Variants in STK32B observed in about 807,000 individuals in gnomAD.
The protein encoded by STK32B is serine/threonine kinase 32B, also known as serine/threonine-protein kinase 32B.
In STK32B, 43 loss-of-function variants were observed where a neutral mutation model predicts 52.6. The ratio of observed to expected loss-of-function variants is 0.82; its 90% CI spans 0.64 to 1.05. The LOEUF (loss-of-function observed/expected upper bound fraction) is 1.05, where lower values mean the gene tolerates loss of function less well. Among genes scored for constraint, STK32B ranks in the 50% least tolerant of loss-of-function variants. The pLI, the probability that STK32B is intolerant of heterozygous loss-of-function variation, is 0.00. For synonymous variants in STK32B, 238 were observed against 204.3 expected (o/e 1.17, Z -1.41); for missense variants, 621 against 534.6 (o/e 1.16, Z -1.59).
chr4:5,264,865 G>T (rs1384593619), intron 3 of STK32B, among the ~76,000 whole-genome samples: 1 of 152,048 alleles, frequency 6.6e-6, no homozygotes, highest in Non-Finnish European at 1.5e-5. Context: ...AATGTATTTT[G>T]TGAATTCTTT....
intron 11 of STK32B, among the ~76,000 whole-genome samples, chr4:5,484,464 T>G (rs1453712412): frequency 6.6e-6 from 1 of 152,198 alleles, no homozygotes; most frequent in African/African-American, 2.4e-5. Flanking sequence ...CATCCCTTTA[T>G]TTTGAGCCTA....
chr4:5,074,207 T>TGC (rs879908244), intron 1 of STK32B, among the ~76,000 whole-genome samples: 1 of 151,702 alleles, frequency 6.6e-6, no homozygotes, highest in Admixed American at 6.6e-5. Context: ...TGTGTGTGTG[T>TGC]GTGCGCGTGC....
At chr4:5,152,845 C>G (rs1458096605) in intron 2 of STK32B, among the ~76,000 whole-genome samples, 1 of 152,194 alleles carries the variant, frequency 6.6e-6, no homozygotes, top group Non-Finnish European at 1.5e-5. Context: ...ACCCACTGTC[C>G]TTACCAGCTA....
chr4:5,304,572 G>A (rs1729791706), intron 3 of STK32B, among the ~76,000 whole-genome samples: 1 of 151,900 alleles, frequency 6.6e-6, no homozygotes, highest in Non-Finnish European at 1.5e-5. Context: ...CCAGTTCTAG[G>A]AGCTTTTTCG....
chr4:5,062,402 A>T (rs1742249280), intron 1 of STK32B, among the ~76,000 whole-genome samples: 1 of 152,232 alleles, frequency 6.6e-6, no homozygotes, highest in African/African-American at 2.4e-5. Context: ...ACCATCCAAC[A>T]GAAGAAATAG....
intron 1 of STK32B, among the ~76,000 whole-genome samples, chr4:5,095,760 G>C (rs535827506): frequency 6.6e-4 from 100 of 152,350 alleles, no homozygotes; most frequent in African/African-American, 2.4e-3. Context: ...CTGACCCTTT[G>C]ATTGTGTGAT....
chr4:5,398,418 C>G lies in STK32B; in HGVS notation c.472+174C>G, dbSNP rs1028763890. ...TCTGTGTAAATTTCTGGTCCATGTCCTGCCGTGGTAAGTTGAATCAAAGTT... is the reference window on the plus strand; with the variant it reads ...TCTGTGTAAATTTCTGGTCCATGTCGTGCCGTGGTAAGTTGAATCAAAGTT... On this transcript the variant is annotated intron_variant, in intron 5 of 11. Coordinates refer to ENST00000282908, the MANE Select transcript of STK32B (RefSeq NM_018401.3). This position sits in a 1 kb window ranked among gnomAD's most constrained non-coding sequence, Gnocchi z 4.9. 2.6e-5 allele frequency among the ~76,000 whole-genome samples: 4 copies of G among 152,178 alleles called. No homozygotes were observed. Among genetic ancestry groups the G allele is most frequent in the Non-Finnish European group, 4.4e-5 (3 of 68,026 alleles).
At chr4:5,387,739 T>C (rs1736348779) in intron 4 of STK32B, among the ~76,000 whole-genome samples, 1 of 150,984 alleles carries the variant, frequency 6.6e-6, no homozygotes, top group Non-Finnish European at 1.5e-5. Context: ...CACTGTTTTG[T>C]TTTTTTATTC....
intron 3 of STK32B, among the ~76,000 whole-genome samples, chr4:5,180,349 T>C (rs1720259468): frequency 1.3e-5 from 2 of 152,236 alleles, no homozygotes; most frequent in South Asian, 2.1e-4. Context: ...TCTTTAATTC[T>C]CCCAACAGCT....
chr4:5,308,516 G>T (rs1730076326), intron 3 of STK32B, among the ~76,000 whole-genome samples: 1 of 152,130 alleles, frequency 6.6e-6, no homozygotes, highest in Non-Finnish European at 1.5e-5. Flanking sequence ...AATATTATAG[G>T]AGTAAGTGTG....
chr4:5,243,912 C>A (rs1023901542), intron 3 of STK32B, among the ~76,000 whole-genome samples: 3 of 152,214 alleles, frequency 2.0e-5, no homozygotes, highest in Admixed American at 1.3e-4. Flanking sequence ...ACTGGCCTTG[C>A]ATCCCAGGGA....
intron 3 of STK32B, among the ~76,000 whole-genome samples, chr4:5,203,426 A>G (rs934295627): frequency 6.6e-6 from 1 of 151,470 alleles, no homozygotes; most frequent in Non-Finnish European, 1.5e-5. Context: ...TCTCCTTTAC[A>G]TGTCTCTTTT....
intron 1 of STK32B, among the ~76,000 whole-genome samples, chr4:5,096,584 T>G (rs1416795857): frequency 2.6e-5 from 4 of 152,208 alleles, no homozygotes; most frequent in Admixed American, 6.5e-5. Context: ...ATCTTCACTT[T>G]GAATTCGAGG....
chr4:5,353,925 A>C (rs1734010179), intron 4 of STK32B, among the ~76,000 whole-genome samples: 1 of 152,224 alleles, frequency 6.6e-6, no homozygotes, highest in African/African-American at 2.4e-5. Context: ...AAAGGGATAC[A>C]GGCATGCCAA....
chr4:5,141,823 A>G (rs951450169), intron 2 of STK32B, among the ~76,000 whole-genome samples: 2 of 152,032 alleles, frequency 1.3e-5, no homozygotes, highest in African/African-American at 2.4e-5. Flanking sequence ...CACCCCCTCC[A>G]CCTTCCTCAG....
In STK32B at chr4:5,460,444, G is replaced by T. The variant is rs1376724858; in HGVS notation, c.909+216G>T. 2.0e-5 allele frequency among the ~76,000 whole-genome samples: 3 copies of T among 152,212 alleles called. No individual in the cohort carries two copies. Among genetic ancestry groups the T allele is most frequent in the African/African-American group, 7.2e-5 (3 of 41,452 alleles). ...CCTCCTTGTGGTAGGTCCTTTGGGGGTGCCAAGCCTTCTCTCTGTCACTGA... is the reference window on the plus strand; with the variant it reads ...CCTCCTTGTGGTAGGTCCTTTGGGGTTGCCAAGCCTTCTCTCTGTCACTGA... On this transcript the variant is annotated intron_variant, in intron 9 of 11. Transcript: ENST00000282908. This position sits in a 1 kb window ranked among gnomAD's most constrained non-coding sequence, Gnocchi z 4.8.
chr4:5,456,935 GCTT>G lies in STK32B; in HGVS notation c.783+14_783+16del. The G allele has an allele frequency of 6.6e-7, 1 of 1,511,122 alleles. No homozygotes were observed. The highest frequency in any genetic ancestry group is 8.9e-7 in the Non-Finnish European group (1 of 1,123,860). The allele number at this position is 1,511,122 out of a possible 1,614,324, so 93.6% of individuals were successfully genotyped here. ...CCCTGCTGAGGAAGGTAAGGGGGCAGCTTCCAGCCTGCCCCGCCAGGGAGCTAC... is the reference window on the plus strand; with the variant it reads ...CCCTGCTGAGGAAGGTAAGGGGGCAGCCAGCCTGCCCCGCCAGGGAGCTAC... On this transcript the variant is annotated intron_variant, in intron 8 of 11. Transcript: ENST00000282908.
At position 5,436,714 on chromosome 4, in the gene STK32B, G is replaced by A. The variant is rs1577494419; in HGVS notation, c.563-9959G>A. ...GCAGAATTGGCAGCTGAATATCACT[G>A]TGACAGTCATGGGAATTCCCTGAAC... is the stretch of plus-strand genomic sequence containing the variant. On this transcript the variant is annotated intron_variant, in intron 6 of 11. Transcript: ENST00000282908. The A allele has an allele frequency of 3.1e-6, 3 of 968,876 alleles. No individual in the cohort carries two copies. In the South Asian group the frequency reaches 1.4e-4, roughly 46 times the overall value. The allele number at this position is 968,876 out of a possible 1,614,324, so 60.0% of individuals were successfully genotyped here.
At chr4:5,347,810 C>A (rs190375592) in intron 4 of STK32B, among the ~76,000 whole-genome samples, 2 of 152,260 alleles carry the variant, frequency 1.3e-5, no homozygotes, top group African/African-American at 4.8e-5. Context: ...CCTGTTCTGC[C>A]ATGGTAAGAC....
Sources: gnomAD v4.1 joint callset for allele counts (sites outside exome capture counted in the v4.1 genomes callset) on GRCh38, gnomAD v4.1.1 for gene constraint, Gnocchi (gnomAD v3.1) non-coding constraint, MANE v1.5 for transcripts, NCBI Gene and HGNC (gene_info 2026-07-23, HGNC 2026-07-21) for gene names.